Variants in IQCE observed in about 807,000 individuals in gnomAD.
IQCE encodes the protein IQ domain-containing protein E.
A neutral mutation model predicts 96.0 loss-of-function variants in IQCE; 115 were observed. The ratio of observed to expected loss-of-function variants is 1.20; its 90% CI spans 1.03 to 1.40. The LOEUF (loss-of-function observed/expected upper bound fraction) is 1.40. Among genes scored for constraint, IQCE ranks in the 40% most tolerant of loss-of-function variants. The pLI is 0.00. For missense variants in IQCE, 1,041 were observed against 909.1 expected (o/e 1.15, Z -1.87); for synonymous variants, 412 against 371.2 (o/e 1.11, Z -1.26).
intron 21 of IQCE, 156 bp downstream of exon 21, chr7:2,607,383 A>G: frequency 7.2e-7 from 1 of 1,387,540 alleles, no homozygotes; most frequent in Non-Finnish European, 9.3e-7. Context: ...GCCTTATGCC[A>G]GGAAGGCCCA....
intron 15 of IQCE, among the ~76,000 whole-genome samples, chr7:2,593,453 G>A (rs1375688551): frequency 3.9e-5 from 6 of 152,256 alleles, no homozygotes; most frequent in Admixed American, 6.5e-5. Flanking sequence ...GGGGCCGCCC[G>A]TGCCCTCACA....
rs753551099 is a variant in IQCE, at chr7:2,598,644, CG to C, written c.1608+16del. ...TGTACAAGCACAAGGTGAGGCTCCC[CG>C]GGGCGACCCGGGCTGCTCCCTGTGA... is the stretch of plus-strand genomic sequence containing the variant. On this transcript the variant is annotated intron_variant, in intron 17 of 21. Transcript: ENST00000402050. 1.3e-5 allele frequency: 20 copies of C among 1,509,372 alleles called. No homozygotes were observed. The highest frequency in any genetic ancestry group is 1.7e-5 in the Non-Finnish European group (19 of 1,128,088). The allele number at this position is 1,509,372 out of a possible 1,614,324, so 93.5% of individuals were successfully genotyped here.
chr7:2,581,711 C>CTT lies in IQCE; in HGVS notation c.631-854_631-853dup, dbSNP rs1554308080. ...TGTCTATTTAGAAGAAAAGAATGTT[C>CTT]TTTTTTTTTTTTTTTTGAGATGGAG... On this transcript the variant is annotated intron_variant, in intron 8 of 21. Coordinates refer to ENST00000402050, the MANE Select transcript of IQCE (RefSeq NM_152558.5). Among the ~76,000 whole-genome samples, 248 of 140,200 alleles carry CTT rather than the reference C, an allele frequency of 1.8e-3. 4 individuals carry two copies. The highest frequency in any genetic ancestry group is 5.1e-3 in the African/African-American group (194 of 38,202). 92.0% of individuals were successfully genotyped at this position (140,200 alleles called of 152,430 possible). A position where few individuals can be genotyped will look rare whatever the true frequency, so the allele number is the denominator to read the frequency against.
chr7:2,562,786 A>G lies in IQCE; in HGVS notation c.36+3569A>G, dbSNP rs149724527. Among the ~76,000 whole-genome samples, 589 of 146,158 alleles carry G rather than the reference A, an allele frequency of 4.0e-3. 1 individual carries two copies. The highest frequency in any genetic ancestry group is 0.014 in the African/African-American group (558 of 39,804). On this transcript the variant is annotated intron_variant, in intron 1 of 21. Transcript: ENST00000402050. ...CCTTTCTTTTACTTCCTTTGAGTTT[A>G]GTTTTCTATCTCCTGGTTCTGAAGG...
At position 2,612,034 on chromosome 7, in the gene IQCE, C is replaced by T. The variant is rs1785123065; in HGVS notation, c.*1872C>T. The T allele has an allele frequency of 6.6e-6, 1 of 152,188 alleles. No homozygotes were observed. The highest frequency in any genetic ancestry group is 1.5e-5 in the Non-Finnish European group (1 of 68,056). 9.4% of individuals were successfully genotyped at this position (152,188 alleles called of 1,614,324 possible). On this transcript the variant is annotated 3_prime_UTR_variant, in exon 22 of 22. Transcript: ENST00000402050. The stretch of plus-strand genomic sequence containing the variant: ...CGAAAGCCCTGAGAAAGTGAGACAC[C>T]TGCACATTCGCTGGGGGAGACCCTC...
chr7:2,597,193 C>A (rs1275855449), intron 16 of IQCE: 2 of 461,870 alleles, frequency 4.3e-6, no homozygotes, highest in African/African-American at 2.0e-5. Flanking sequence ...TCAGCAGGAT[C>A]TGGGCCACAG....
chr7:2,605,870 C>G lies in IQCE; in HGVS notation c.1744-6C>G, dbSNP rs758308273. ...AGTCGTCTTCCCTGCTGTCCTTGCA[C>G]CCCAGAGCTCTCCTGTGCCCCGCGT... is the stretch of plus-strand genomic sequence containing the variant. On this transcript the variant is annotated splice_region_variant and splice_polypyrimidine_tract_variant and intron_variant, in intron 19 of 21. Transcript: ENST00000402050. 6.3e-7 allele frequency: 1 copy of G among 1,591,136 alleles called. No homozygotes were observed. Among genetic ancestry groups the G allele is most frequent in the East Asian group, 2.3e-5 (1 of 42,638 alleles).
At chr7:2,588,794 T>G (rs1338096625) in intron 13 of IQCE, among the ~76,000 whole-genome samples, 1 of 150,322 alleles carries the variant, frequency 6.7e-6, no homozygotes, top group Non-Finnish European at 1.5e-5. Context: ...GCCTCACCAG[T>G]AGCTGGGATT....
At chr7:2,568,893 G>T in intron 2 of IQCE, 61 bp from the exon 3 acceptor site, 1 of 1,460,434 alleles carries the variant, frequency 6.8e-7, no homozygotes. Flanking sequence ...ACATGGTAGG[G>T]TCTTGTGATG....
chr7:2,596,106 C>A (rs996301163), intron 16 of IQCE, among the ~76,000 whole-genome samples: 4 of 152,150 alleles, frequency 2.6e-5, no homozygotes, highest in African/African-American at 9.7e-5. Flanking sequence ...AAGAGGAGCT[C>A]ATGGATAAAA....
chr7:2,599,736 C>T (rs911166643), intron 17 of IQCE, among the ~76,000 whole-genome samples: 2 of 152,266 alleles, frequency 1.3e-5, no homozygotes, highest in South Asian at 4.1e-4. Flanking sequence ...ATTTACCTGC[C>T]TCCGCCTCCC....
chr7:2,581,581 G>A (rs899611191), intron 8 of IQCE, among the ~76,000 whole-genome samples: 2 of 150,642 alleles, frequency 1.3e-5, no homozygotes, highest in Admixed American at 6.6e-5. Flanking sequence ...TGGCTCACAC[G>A]TATAATCCTA....
chr7:2,565,288 TCTG>T (rs1781292529), intron 1 of IQCE, among the ~76,000 whole-genome samples: 1 of 151,998 alleles, frequency 6.6e-6, no homozygotes, highest in Admixed American at 6.6e-5. Context: ...ATGATTGTAT[TCTG>T]CTGACTGGTG....
At position 2,607,120 on chromosome 7, in the gene IQCE, C is replaced by T. The variant is rs770060682; in HGVS notation, c.1866-4C>T. 2.6e-5 allele frequency: 41 copies of T among 1,581,280 alleles called. No homozygotes were observed. Among genetic ancestry groups the T allele is most frequent in the Non-Finnish European group, 3.4e-5 (40 of 1,166,444 alleles). On this transcript the variant is annotated splice_polypyrimidine_tract_variant and splice_region_variant and intron_variant, in intron 20 of 21. Coordinates refer to ENST00000402050, the MANE Select transcript of IQCE (RefSeq NM_152558.5). ...ATCAGCTGGCGTTTTCTGTTTTTTT[C>T]CAGTGCTACCGGTAAAAGAACCACC...
rs370810091 is a variant in IQCE, at chr7:2,571,510, G to A, written c.131-16G>A. 5 of 1,605,430 alleles carry A rather than the reference G, an allele frequency of 3.1e-6. No homozygotes were observed. Among genetic ancestry groups the A allele is most frequent in the African/African-American group, 1.3e-5 (1 of 74,910 alleles). On this transcript the variant is annotated splice_polypyrimidine_tract_variant and intron_variant, in intron 3 of 21. Transcript: ENST00000402050. ...TGCTGTCCGGCACCTCTGAATCCACGTGTTGGCTTTTCCAGAGTCACCTTA... is the reference window on the plus strand; with the variant it reads ...TGCTGTCCGGCACCTCTGAATCCACATGTTGGCTTTTCCAGAGTCACCTTA...
chr7:2,583,628 G>A lies in IQCE; in HGVS notation c.702-9G>A. The A allele has an allele frequency of 1.3e-6, 2 of 1,591,688 alleles. No homozygotes were observed. Among genetic ancestry groups the A allele is most frequent in the Non-Finnish European group, 8.6e-7 (1 of 1,165,842 alleles). On this transcript the variant is annotated splice_polypyrimidine_tract_variant and intron_variant, in intron 9 of 21. Coordinates refer to ENST00000402050, the MANE Select transcript of IQCE (RefSeq NM_152558.5). ...CACATCCCTATTAACGCTGAACTTG[G>A]GTTTTCAGCAAACTCCAGACCGATA...
intron 21 of IQCE, 44 bp downstream of exon 21, chr7:2,607,271 G>A (rs762502307): frequency 1.2e-6 from 2 of 1,612,592 alleles, no homozygotes; most frequent in Admixed American, 1.7e-5. Context: ...CAGCTGGTCT[G>A]CTGAGGTCTC....
At position 2,614,546 on chromosome 7, in the gene IQCE, T is replaced by C. The variant is rs1033204667; in HGVS notation, c.*4384T>C. On this transcript the variant is annotated 3_prime_UTR_variant, in exon 22 of 22. Coordinates refer to ENST00000402050, the MANE Select transcript of IQCE (RefSeq NM_152558.5). ...ACGTCTGGAAGCTGAAATGTGAAAC[T>C]GTCAAGATGGCTTAGGAGAGGAAGG... The C allele has an allele frequency of 1.1e-4, 17 of 152,372 alleles. No homozygotes were observed. Among genetic ancestry groups the C allele is most frequent in the African/African-American group, 4.1e-4 (17 of 41,576 alleles). The allele number at this position is 152,372 out of a possible 1,614,324, so 9.4% of individuals were successfully genotyped here. A position where few individuals can be genotyped will look rare whatever the true frequency, so the allele number is the denominator to read the frequency against.
At chr7:2,573,866 C>A (rs1212286241) in intron 6 of IQCE, among the ~76,000 whole-genome samples, 2 of 152,206 alleles carry the variant, frequency 1.3e-5, no homozygotes, top group Non-Finnish European at 2.9e-5. Context: ...ATCAAGACAT[C>A]TCACATGCCC....
Sources: allele counts gnomAD v4.1 joint callset (sites outside exome capture counted in the v4.1 genomes callset), GRCh38; gene constraint gnomAD v4.1.1; transcripts MANE v1.5; gene names NCBI Gene and HGNC (gene_info 2026-07-23, HGNC 2026-07-21).